Variants in AGBL4 observed in about 807,000 individuals in gnomAD.
AGBL4 encodes the protein AGBL carboxypeptidase 4.
A neutral mutation model predicts 66.4 loss-of-function variants in AGBL4; 58 were observed. The ratio of observed to expected loss-of-function variants is 0.87; its 90% CI spans 0.71 to 1.09. The LOEUF (loss-of-function observed/expected upper bound fraction) is 1.09, where lower values mean the gene tolerates loss of function less well. Ranked by LOEUF, AGBL4 falls within the 50% of genes least tolerant of loss-of-function variation. AGBL4 has a pLI of 0.00. For synonymous variants in AGBL4, 234 were observed against 222.9 expected (o/e 1.05, Z -0.44); for missense variants, 579 against 631.0 (o/e 0.92, Z 0.88).
intron 3 of AGBL4, among the ~76,000 whole-genome samples, chr1:49,357,980 C>A (rs1173308096): frequency 2.0e-5 from 3 of 152,164 alleles, no homozygotes; most frequent in Non-Finnish European, 4.4e-5. Flanking sequence ...TCTCACCCAT[C>A]CTCCCTACTC....
At chr1:49,687,390 C>T (rs1257563689) in intron 3 of AGBL4, among the ~76,000 whole-genome samples, 2 of 152,080 alleles carry the variant, frequency 1.3e-5, no homozygotes, top group East Asian at 1.9e-4. Flanking sequence ...GTAATATGAA[C>T]TTAATAATAG....
intron 1 of AGBL4, among the ~76,000 whole-genome samples, chr1:49,957,458 G>T (rs1192145322): frequency 6.6e-6 from 1 of 151,804 alleles, no homozygotes; most frequent in Non-Finnish European, 1.5e-5. Flanking sequence ...TGACAGTGGG[G>T]TGTTAAAGTC....
At chr1:49,271,515 AG>A (rs1557789297) in intron 3 of AGBL4, among the ~76,000 whole-genome samples, 3 of 103,402 alleles carry the variant, frequency 2.9e-5, no homozygotes, top group Non-Finnish European at 5.7e-5. Context: ...ATTAAAAGAT[AG>A]CACACACACA....
chr1:48,840,184 T>A (rs898857502), intron 6 of AGBL4, among the ~76,000 whole-genome samples: 1 of 152,170 alleles, frequency 6.6e-6, no homozygotes, highest in Non-Finnish European at 1.5e-5. Flanking sequence ...TTGGGAACCA[T>A]GGCCAATTAA....
intron 2 of AGBL4, among the ~76,000 whole-genome samples, chr1:49,788,456 G>A (rs1385375399): frequency 6.6e-6 from 1 of 151,022 alleles, no homozygotes; most frequent in Non-Finnish European, 1.5e-5. Flanking sequence ...GATGGACACC[G>A]AGATGGCCCA....
intron 3 of AGBL4, among the ~76,000 whole-genome samples, chr1:49,597,469 T>G (rs1644873377): frequency 6.6e-6 from 1 of 152,132 alleles, no homozygotes; most frequent in Admixed American, 6.6e-5. Context: ...AGTTGAAAAT[T>G]TCCAGGAAAA....
intron 4 of AGBL4, among the ~76,000 whole-genome samples, chr1:49,060,159 T>A (rs533163237): frequency 6.6e-6 from 1 of 152,174 alleles, no homozygotes; most frequent in African/African-American, 2.4e-5. Context: ...ATAAGCCCCA[T>A]ATGTTGTGCA....
chr1:49,924,790 G>A (rs1652598443), intron 1 of AGBL4, among the ~76,000 whole-genome samples: 1 of 152,118 alleles, frequency 6.6e-6, no homozygotes, highest in Admixed American at 6.5e-5. Context: ...TAGGGGAGGA[G>A]GAGCAAGATG....
chr1:49,014,567 C>T (rs979547976), intron 5 of AGBL4, among the ~76,000 whole-genome samples: 10 of 152,318 alleles, frequency 6.6e-5, no homozygotes, highest in African/African-American at 9.6e-5. Flanking sequence ...TGTATGAAGG[C>T]GGGCCAGCCT....
chr1:49,567,475 A>T (rs1182347819), intron 3 of AGBL4, among the ~76,000 whole-genome samples: 1 of 152,198 alleles, frequency 6.6e-6, no homozygotes, highest in Non-Finnish European at 1.5e-5. Context: ...ATGAACAGTG[A>T]TAATTAAGGG....
chr1:49,784,520 T>C (rs946145226), intron 2 of AGBL4, among the ~76,000 whole-genome samples: 1 of 151,784 alleles, frequency 6.6e-6, no homozygotes, highest in Non-Finnish European at 1.5e-5. Flanking sequence ...TCAAAACAGA[T>C]CAAACATCTA....
intron 5 of AGBL4, among the ~76,000 whole-genome samples, chr1:49,037,760 T>C (rs1438030740): frequency 6.6e-6 from 1 of 152,090 alleles, no homozygotes; most frequent in Non-Finnish European, 1.5e-5. Flanking sequence ...TCACCCATTA[T>C]ATTGTGTACT....
intron 3 of AGBL4, among the ~76,000 whole-genome samples, chr1:49,661,833 AT>A (rs1055552223): frequency 3.3e-5 from 5 of 152,094 alleles, no homozygotes; most frequent in Admixed American, 6.6e-5. Flanking sequence ...AATTATAGGC[AT>A]TTACCCAAGA....
chr1:49,154,007 T>A (rs1646385332), intron 4 of AGBL4, among the ~76,000 whole-genome samples: 1 of 152,112 alleles, frequency 6.6e-6, no homozygotes, highest in East Asian at 1.9e-4. Flanking sequence ...AGAGAAGACA[T>A]AAAAATCAAG....
chr1:48,943,571 A>G (rs1476212015), intron 5 of AGBL4, among the ~76,000 whole-genome samples: 1 of 152,228 alleles, frequency 6.6e-6, no homozygotes, highest in Non-Finnish European at 1.5e-5. Flanking sequence ...AGAACATACT[A>G]TGTTCCAGGC....
chr1:49,043,238 G>A, intron 5 of AGBL4, among the ~76,000 whole-genome samples: 1 of 151,982 alleles, frequency 6.6e-6, no homozygotes, highest in Non-Finnish European at 1.5e-5. Flanking sequence ...ATTTTCCCTG[G>A]GAGGATGATC....
intron 1 of AGBL4, among the ~76,000 whole-genome samples, chr1:49,918,223 A>G (rs1651782733): frequency 6.6e-6 from 1 of 152,210 alleles, no homozygotes; most frequent in African/African-American, 2.4e-5. Flanking sequence ...AGGGCAAGAA[A>G]TAACTAAGAT....
intron 1 of AGBL4, among the ~76,000 whole-genome samples, chr1:49,929,310 T>C (rs1215426130): frequency 2.0e-5 from 3 of 149,696 alleles, no homozygotes; most frequent in Admixed American, 6.6e-5. Flanking sequence ...GAATAAAAAA[T>C]AAAAGTTGAA....
chr1:49,328,751 C>T (rs1166370636), intron 3 of AGBL4, among the ~76,000 whole-genome samples: 1 of 152,184 alleles, frequency 6.6e-6, no homozygotes, highest in Non-Finnish European at 1.5e-5. Context: ...CCTTCCACTT[C>T]ATGTAAAGTG....
Sources: gnomAD v4.1 joint callset for allele counts (sites outside exome capture counted in the v4.1 genomes callset) on GRCh38, gnomAD v4.1.1 for gene constraint, MANE v1.5 for transcripts, NCBI Gene and HGNC (gene_info 2026-07-23, HGNC 2026-07-21) for gene names.